ADGRL3: variants seen among roughly 807,000 people sequenced by gnomAD.
The protein encoded by ADGRL3 is adhesion G protein-coupled receptor L3, also known as calcium-independent alpha-latrotoxin receptor 3.
A neutral mutation model predicts 153.5 loss-of-function variants in ADGRL3; 62 were observed. The ratio of observed to expected loss-of-function variants is 0.40; its 90% CI spans 0.33 to 0.50. The LOEUF (loss-of-function observed/expected upper bound fraction) is 0.50. Ranked by LOEUF, ADGRL3 falls within the 20% of genes least tolerant of loss-of-function variation. The pLI is 0.47. For synonymous variants in ADGRL3, 710 were observed against 672.5 expected (o/e 1.06, Z -0.86); for missense variants, 1,641 against 1,859.4 (o/e 0.88, Z 2.16).
intron 2 of ADGRL3, among the ~76,000 whole-genome samples, chr4:61,486,504 T>C (rs2098195974): frequency 6.6e-6 from 1 of 152,118 alleles, no homozygotes; most frequent in Non-Finnish European, 1.5e-5. Context: ...ATAGTAAAAA[T>C]CCAGCAAATA....
Position 61,247,350 on chromosome 4 carries a change from G to C in ADGRL3, c.-240+45585G>C, listed in dbSNP as rs552494091. On this transcript the variant is annotated intron_variant, in intron 1 of 26. Coordinates refer to ENST00000683033, the MANE Select transcript of ADGRL3 (RefSeq NM_001387552.1). ...GTATGTTCTCCTATAGACAGACCAA[G>C]ATATATGTGATAATTCTTGTAATGT... Among the ~76,000 whole-genome samples, 6 of 152,178 alleles carry C rather than the reference G, an allele frequency of 3.9e-5. No individual in the cohort carries two copies. In the South Asian group the frequency reaches 1.2e-3, roughly 32 times the overall value.
intron 5 of ADGRL3, among the ~76,000 whole-genome samples, chr4:61,663,263 T>C (rs895883426): frequency 6.6e-6 from 1 of 152,196 alleles, no homozygotes; most frequent in Non-Finnish European, 1.5e-5. Flanking sequence ...AGGAGCTCCC[T>C]GAGCCAGGGC....
At chr4:61,250,307 A>T (rs1758746940) in intron 1 of ADGRL3, among the ~76,000 whole-genome samples, 1 of 152,194 alleles carries the variant, frequency 6.6e-6, no homozygotes, top group Admixed American at 6.5e-5. Context: ...AGGCAGCCTC[A>T]AGTGGGTTAC....
intron 2 of ADGRL3, among the ~76,000 whole-genome samples, chr4:61,494,719 T>C (rs1232867899): frequency 6.6e-6 from 1 of 152,146 alleles, no homozygotes; most frequent in Non-Finnish European, 1.5e-5. Context: ...TTTGTAAAGG[T>C]AAAATATTAT....
intron 1 of ADGRL3, among the ~76,000 whole-genome samples, chr4:61,338,989 C>T (rs1433905192): frequency 2.6e-5 from 4 of 152,086 alleles, no homozygotes; most frequent in Non-Finnish European, 4.4e-5. Flanking sequence ...TTATCTATCC[C>T]ACAGCCCTTA....
At chr4:62,045,133 G>A (rs1730428063) in intron 25 of ADGRL3, among the ~76,000 whole-genome samples, 1 of 151,940 alleles carries the variant, frequency 6.6e-6, no homozygotes, top group African/African-American at 2.4e-5. Context: ...TTTTTGAAAT[G>A]AAGAAATGAC....
In ADGRL3 at chr4:61,209,064, A is replaced by G. The variant is rs139379997; in HGVS notation, c.-240+7299A>G. Among the ~76,000 whole-genome samples, 28 of 152,288 alleles carry G rather than the reference A, an allele frequency of 1.8e-4. No homozygotes were observed. In the East Asian group the frequency reaches 4.4e-3, roughly 24 times the overall value. On this transcript the variant is annotated intron_variant, in intron 1 of 26. Coordinates refer to ENST00000683033, the MANE Select transcript of ADGRL3 (RefSeq NM_001387552.1). ...AGAACTTTAAGTTATAGATGTATTT[A>G]TAAGTTATATACATTTTGGGGGTAT...
intron 8 of ADGRL3, among the ~76,000 whole-genome samples, chr4:61,798,830 G>A (rs1367905696): frequency 6.6e-6 from 1 of 151,096 alleles, no homozygotes; most frequent in Admixed American, 6.6e-5. Context: ...TGCCTGGGCT[G>A]GTCTTGAATG....
intron 5 of ADGRL3, among the ~76,000 whole-genome samples, chr4:61,664,013 G>T (rs1434844217): frequency 6.6e-6 from 1 of 152,112 alleles, no homozygotes; most frequent in Admixed American, 6.5e-5. Flanking sequence ...CTGAATAGAT[G>T]TCATCCATTT....
intron 1 of ADGRL3, among the ~76,000 whole-genome samples, chr4:61,346,542 T>A (rs981321898): frequency 2.7e-5 from 4 of 150,552 alleles, no homozygotes; most frequent in African/African-American, 9.8e-5. Context: ...GGTGGGAAGA[T>A]CACTTGAGGC....
At chr4:61,217,185 C>T (rs1743191549) in intron 1 of ADGRL3, among the ~76,000 whole-genome samples, 1 of 152,114 alleles carries the variant, frequency 6.6e-6, no homozygotes, top group South Asian at 2.1e-4. Context: ...AGCAATGTAT[C>T]CCTCATTAAT....
chr4:61,400,310 T>C (rs901395110), intron 2 of ADGRL3, among the ~76,000 whole-genome samples: 1 of 151,926 alleles, frequency 6.6e-6, no homozygotes, highest in Admixed American at 6.6e-5. Flanking sequence ...CTTTACTATA[T>C]CAGACCTGTG....
intron 5 of ADGRL3, among the ~76,000 whole-genome samples, chr4:61,673,825 A>G (rs2095089738): frequency 6.6e-6 from 1 of 151,118 alleles, no homozygotes; most frequent in Admixed American, 6.6e-5. Context: ...TGATATAAAC[A>G]TAGTAATAGA....
intron 5 of ADGRL3, among the ~76,000 whole-genome samples, chr4:61,625,011 T>C (rs1009353054): frequency 5.9e-5 from 9 of 152,064 alleles, no homozygotes; most frequent in African/African-American, 2.2e-4. Context: ...AAAATGCAAA[T>C]TATTTTGAAA....
At chr4:61,612,379 A>G (rs1279831528) in intron 5 of ADGRL3, among the ~76,000 whole-genome samples, 2 of 152,124 alleles carry the variant, frequency 1.3e-5, no homozygotes, top group African/African-American at 4.8e-5. Flanking sequence ...ACCAGAAACA[A>G]TAGTCAAAGG....
intron 2 of ADGRL3, among the ~76,000 whole-genome samples, chr4:61,448,526 T>G (rs1278366184): frequency 6.6e-6 from 1 of 152,160 alleles, no homozygotes; most frequent in Non-Finnish European, 1.5e-5. Flanking sequence ...TATAAAGTTA[T>G]TGTGATGTTT....
At chr4:62,020,259 C>T (rs1280489999) in intron 21 of ADGRL3, among the ~76,000 whole-genome samples, 1 of 152,104 alleles carries the variant, frequency 6.6e-6, no homozygotes, top group African/African-American at 2.4e-5. Context: ...AATTTCTTGA[C>T]TTATTTTACT....
rs192395563 is a variant in ADGRL3, at chr4:61,204,699, T to C, written c.-240+2934T>C. Among the ~76,000 whole-genome samples the C allele has an allele frequency of 1.8e-4, 27 of 152,330 alleles. No homozygotes were observed. In the East Asian group the frequency reaches 2.9e-3, roughly 16 times the overall value. On this transcript the variant is annotated intron_variant, in intron 1 of 26. Coordinates refer to ENST00000683033, the MANE Select transcript of ADGRL3 (RefSeq NM_001387552.1). ...GGTTGACTAGACTATTTCTACAAAA[T>C]CAGGGTAGGAGGAATGATTAACTCA...
At chr4:61,755,837 T>C (rs1187888695) in intron 8 of ADGRL3, among the ~76,000 whole-genome samples, 1 of 152,250 alleles carries the variant, frequency 6.6e-6, no homozygotes, top group East Asian at 1.9e-4. Flanking sequence ...TTTCTACATA[T>C]GGCTAGCCAG....
Sources: gnomAD v4.1 joint callset for allele counts (sites outside exome capture counted in the v4.1 genomes callset) on GRCh38, gnomAD v4.1.1 for gene constraint, MANE v1.5 for transcripts, NCBI Gene and HGNC (gene_info 2026-07-23, HGNC 2026-07-21) for gene names.